Variants in NR3C2 observed in about 807,000 individuals in gnomAD.
The protein encoded by NR3C2 is mineralocorticoid receptor.
Under a neutral mutation model 86.4 loss-of-function variants are expected in NR3C2, and 15 were observed. The observed-to-expected ratio is 0.17, with a 90% CI of 0.12 to 0.27. The LOEUF is 0.27. Ranked by LOEUF, NR3C2 falls within the 10% of genes least tolerant of loss-of-function variation. The pLI is 1.00. For missense variants in NR3C2, 960 were observed against 1,195.6 expected (o/e 0.80, Z 2.91); for synonymous variants, 458 against 450.5 (o/e 1.02, Z -0.21).
At chr4:148,346,756 T>C (rs771249178) in intron 2 of NR3C2, among the ~76,000 whole-genome samples, 4 of 152,172 alleles carry the variant, frequency 2.6e-5, no homozygotes, top group Admixed American at 6.6e-5. Context: ...AAACAAATTA[T>C]AGAAATTAAT....
chr4:148,388,121 G>A (rs1023294795), intron 2 of NR3C2, among the ~76,000 whole-genome samples: 11 of 152,158 alleles, frequency 7.2e-5, no homozygotes, highest in African/African-American at 2.4e-4. Flanking sequence ...AAGTTGAAAT[G>A]AGAAAATGGC....
At chr4:148,334,388 C>T (rs1579172615) in intron 2 of NR3C2, among the ~76,000 whole-genome samples, 3 of 152,114 alleles carry the variant, frequency 2.0e-5, no homozygotes. Flanking sequence ...TCTAAAATTA[C>T]AAAAATTAGC....
intron 3 of NR3C2, among the ~76,000 whole-genome samples, chr4:148,256,807 T>G (rs61349394): frequency 0.22 from 34,180 of 152,070 alleles, 3,889 homozygotes; most frequent in Admixed American, 0.29. Flanking sequence ...TATTGGCAAA[T>G]AAGTTATTTT....
intron 2 of NR3C2, among the ~76,000 whole-genome samples, chr4:148,425,708 G>A (rs552742092): frequency 1.3e-5 from 2 of 152,198 alleles, no homozygotes; most frequent in Admixed American, 1.3e-4. Flanking sequence ...GCCACCAGAG[G>A]GCTTTAAACT....
intron 2 of NR3C2, among the ~76,000 whole-genome samples, chr4:148,347,232 T>G (rs934318845): frequency 6.9e-6 from 1 of 144,398 alleles, no homozygotes; most frequent in African/African-American, 2.6e-5. Context: ...AATTTCCAAC[T>G]TTTTGTTGCA....
At chr4:148,186,996 G>GTATATATATATATATATATA (rs1162757665) in intron 4 of NR3C2, among the ~76,000 whole-genome samples, 1 of 27,200 alleles carries the variant, frequency 3.7e-5, no homozygotes, top group Non-Finnish European at 5.3e-5. Context: ...GTGTATGTAT[G>GTATATATATATATATATATA]TATATATATA....
At chr4:148,294,402 T>C (rs1456993751) in intron 2 of NR3C2, among the ~76,000 whole-genome samples, 4 of 152,158 alleles carry the variant, frequency 2.6e-5, no homozygotes, top group Non-Finnish European at 5.9e-5. Context: ...CCATTTATAT[T>C]AGACATTATT....
intron 3 of NR3C2, among the ~76,000 whole-genome samples, chr4:148,209,161 G>A (rs771145877): frequency 7.3e-5 from 11 of 151,588 alleles, no homozygotes; most frequent in African/African-American, 9.7e-5. Flanking sequence ...GGAGAATGGC[G>A]TGAACCCAGG....
intron 2 of NR3C2, among the ~76,000 whole-genome samples, chr4:148,396,162 G>A (rs180839872): frequency 6.6e-6 from 1 of 152,292 alleles, no homozygotes; most frequent in East Asian, 1.9e-4. Flanking sequence ...TTAAGCAAAT[G>A]CTCAGCTCTC....
chr4:148,116,828 G>A (rs1218700827), intron 7 of NR3C2, among the ~76,000 whole-genome samples: 1 of 152,122 alleles, frequency 6.6e-6, no homozygotes, highest in African/African-American at 2.4e-5. Context: ...TATGTAAAGA[G>A]ATGTAAAAGG....
At chr4:148,297,932 GACA>G (rs980469803) in intron 2 of NR3C2, among the ~76,000 whole-genome samples, 12 of 151,592 alleles carry the variant, frequency 7.9e-5, no homozygotes, top group African/African-American at 2.7e-4. Flanking sequence ...TACTAAGATG[GACA>G]ACACAAAATG....
intron 6 of NR3C2, among the ~76,000 whole-genome samples, chr4:148,140,494 A>G (rs1733556878): frequency 6.6e-6 from 1 of 152,190 alleles, no homozygotes; most frequent in Non-Finnish European, 1.5e-5. Context: ...TTGTGCTACT[A>G]CACTGCCTGG....
chr4:148,324,494 A>C (rs1743849956), intron 2 of NR3C2, among the ~76,000 whole-genome samples: 1 of 152,148 alleles, frequency 6.6e-6, no homozygotes, highest in Admixed American at 6.5e-5. Context: ...TCAGAGAGGC[A>C]GAGAGTAGAA....
chr4:148,206,993 C>T (rs1161001196), intron 3 of NR3C2, among the ~76,000 whole-genome samples: 1 of 152,068 alleles, frequency 6.6e-6, no homozygotes, highest in African/African-American at 2.4e-5. Context: ...ATGATCACAG[C>T]TCACTGCAGC....
intron 2 of NR3C2, among the ~76,000 whole-genome samples, chr4:148,350,548 GAT>G (rs1745223092): frequency 6.6e-6 from 1 of 152,146 alleles, no homozygotes. Context: ...TTCAGGTCAT[GAT>G]ATTTTTTCAG....
intron 2 of NR3C2, among the ~76,000 whole-genome samples, chr4:148,408,714 A>G (rs1339360010): frequency 6.6e-6 from 1 of 152,204 alleles, no homozygotes; most frequent in Non-Finnish European, 1.5e-5. Context: ...AACAGAAAAT[A>G]AAAGTGTTAA....
chr4:148,433,543 A>G (rs1006936604), intron 2 of NR3C2, among the ~76,000 whole-genome samples: 2 of 152,208 alleles, frequency 1.3e-5, no homozygotes, highest in Admixed American at 6.5e-5. Context: ...GCATACTAAC[A>G]TACTGGAAGG....
At chr4:148,254,722 A>G (rs1739741746) in intron 3 of NR3C2, among the ~76,000 whole-genome samples, 1 of 152,168 alleles carries the variant, frequency 6.6e-6, no homozygotes, top group Admixed American at 6.6e-5. Flanking sequence ...AAAAGGAGAA[A>G]AGAAAAAATA....
chr4:148,394,694 T>A (rs1339462249), intron 2 of NR3C2, among the ~76,000 whole-genome samples: 1 of 151,870 alleles, frequency 6.6e-6, no homozygotes, highest in African/African-American at 2.4e-5. Context: ...CCTCAAAAAA[T>A]AAAAATTAAA....
Sources: gnomAD v4.1 joint callset for allele counts (sites outside exome capture counted in the v4.1 genomes callset) on GRCh38, gnomAD v4.1.1 for gene constraint, MANE v1.5 for transcripts, NCBI Gene and HGNC (gene_info 2026-07-23, HGNC 2026-07-21) for gene names.